The following RAB3GAP1 variants were observed in gnomAD, a reference collection of about 807,000 sequenced individuals.
The protein encoded by RAB3GAP1 is RAB3 GTPase activating protein catalytic subunit 1, also known as rab3 GTPase-activating protein catalytic subunit.
In RAB3GAP1, 86 loss-of-function variants were observed where a neutral mutation model predicts 130.7. That is an observed-to-expected ratio of 0.66 (90% CI 0.55 to 0.79). The LOEUF is 0.79. Ranked by LOEUF, RAB3GAP1 falls within the 30% of genes least tolerant of loss-of-function variation. The probability of loss-of-function intolerance (pLI) is 0.00; values close to 1 mark genes in which losing one functional copy is unlikely to be tolerated. For synonymous variants in RAB3GAP1, 367 were observed against 401.7 expected, an observed-to-expected ratio of 0.91 and a Z score of 1.03; for missense variants, 1,029 against 1,169.4, an observed-to-expected ratio of 0.88 and a Z score of 1.75.
At chr2:135,085,362 A>G (rs1233924678) in intron 3 of RAB3GAP1, among the ~76,000 whole-genome samples, 1 of 152,220 alleles carries the variant, frequency 6.6e-6, no homozygotes, top group African/African-American at 2.4e-5. Context: ...ACTGTTACAG[A>G]TTATGGAAAG....
Position 135,090,928 on chromosome 2 carries a change from C to T in RAB3GAP1, c.151-70C>T. ...AGGGCAGAAAAAGGGGAAAATATCC[C>T]TGTCGTTAGTAAATATAATGATAGC... On this transcript the variant is annotated intron_variant, in intron 3 of 23. Transcript: ENST00000264158. 2.1e-6 allele frequency: 3 copies of T among 1,417,480 alleles called. 1 individual carries two copies. Among genetic ancestry groups the T allele is most frequent in the East Asian group, 4.6e-5 (2 of 43,388 alleles). 87.8% of individuals were successfully genotyped at this position (1,417,480 alleles called of 1,614,324 possible).
rs764864449 is a variant in RAB3GAP1 at position 135,117,409 on chromosome 2, TTTCTTCTTC to T, written c.648+2066_648+2074del. On this transcript the variant is annotated intron_variant, in intron 7 of 23. Coordinates refer to ENST00000264158, the MANE Select transcript of RAB3GAP1 (RefSeq NM_012233.3). ...GTCACATGGAAATATCAATACTTTA[TTTCTTCTTC>T]TTCTTCTTCTTCTTCTTCTTCTTCT... is the stretch of plus-strand genomic sequence containing the variant. 2.1e-3 allele frequency among the ~76,000 whole-genome samples: 211 copies of T among 100,248 alleles called. 2 individuals are homozygous for T. Among genetic ancestry groups the T allele is most frequent in the South Asian group, 3.6e-3 (12 of 3,312 alleles). 65.8% of individuals were successfully genotyped at this position (100,248 alleles called of 152,430 possible). A position where few individuals can be genotyped will look rare whatever the true frequency, so the allele number is the denominator to read the frequency against.
intron 3 of RAB3GAP1, among the ~76,000 whole-genome samples, chr2:135,063,430 T>C (rs1333864307): frequency 6.6e-6 from 1 of 152,148 alleles, no homozygotes; most frequent in African/African-American, 2.4e-5. Flanking sequence ...ATCCAGAACT[T>C]TTTTCATCAG....
At chr2:135,143,815 C>T (rs1433558681) in intron 17 of RAB3GAP1, among the ~76,000 whole-genome samples, 3 of 152,202 alleles carry the variant, frequency 2.0e-5, no homozygotes, top group Non-Finnish European at 4.4e-5. Flanking sequence ...TCCCAAAGTG[C>T]TGGGATTACA....
chr2:135,146,452 TCTG>T (rs1320138477), intron 17 of RAB3GAP1, among the ~76,000 whole-genome samples: 2 of 152,124 alleles, frequency 1.3e-5, no homozygotes, highest in African/African-American at 4.8e-5. Context: ...CCTCAAGTGA[TCTG>T]CTCGCCTAGG....
intron 23 of RAB3GAP1, among the ~76,000 whole-genome samples, chr2:135,165,366 G>C (rs965687221): frequency 1.3e-5 from 2 of 152,176 alleles, no homozygotes; most frequent in African/African-American, 4.8e-5. Context: ...TAGGGATTCT[G>C]ATAAAGGCGT....
chr2:135,113,630 C>T (rs1332019009), intron 6 of RAB3GAP1, among the ~76,000 whole-genome samples: 1 of 152,192 alleles, frequency 6.6e-6, no homozygotes, highest in Non-Finnish European at 1.5e-5. Context: ...CTGTACCTTA[C>T]TTCCATTTTC....
intron 17 of RAB3GAP1, among the ~76,000 whole-genome samples, chr2:135,137,732 G>T (rs1487860376): frequency 6.6e-6 from 1 of 151,998 alleles, no homozygotes; most frequent in Admixed American, 6.6e-5. Context: ...TTCAAAAATA[G>T]TTTGAAGTCA....
At chr2:135,056,077 C>T (rs1689001599) in intron 2 of RAB3GAP1, among the ~76,000 whole-genome samples, 1 of 151,792 alleles carries the variant, frequency 6.6e-6, no homozygotes, top group South Asian at 2.1e-4. Flanking sequence ...ACCTCATGAT[C>T]CGCCCGCCTC....
chr2:135,091,844 A>G (rs1287809417), intron 4 of RAB3GAP1, among the ~76,000 whole-genome samples: 3 of 152,220 alleles, frequency 2.0e-5, no homozygotes, highest in Non-Finnish European at 4.4e-5. Context: ...AAACTAGTGC[A>G]TAACAGTGAG....
In RAB3GAP1 at chr2:135,093,702, A is replaced by T. The variant is rs777491232; in HGVS notation, c.362+9A>T. On this transcript the variant is annotated intron_variant, in intron 5 of 23. Transcript: ENST00000264158. ...CATTGCCTGGTAAGATGGTAGGTAT[A>T]TCTTTTACTCAGTATCTTTTAGTAT... 3 of 1,593,696 alleles carry T rather than the reference A, an allele frequency of 1.9e-6. No individual in the cohort carries two copies. The African/African-American group carries it at 4.0e-5, about 21-fold the overall frequency.
At chr2:135,053,358 T>G (rs1688931320) in intron 2 of RAB3GAP1, among the ~76,000 whole-genome samples, 1 of 152,260 alleles carries the variant, frequency 6.6e-6, no homozygotes, top group African/African-American at 2.4e-5. Context: ...TGCCCAGGCT[T>G]CCTGTGCCTG....
chr2:135,160,971 G>T (rs1227950583), intron 19 of RAB3GAP1, among the ~76,000 whole-genome samples: 1 of 152,080 alleles, frequency 6.6e-6, no homozygotes, highest in Non-Finnish European at 1.5e-5. Context: ...AACAGAGGAG[G>T]GAGACAGGTC....
intron 7 of RAB3GAP1, among the ~76,000 whole-genome samples, chr2:135,116,457 T>A (rs1690974353): frequency 6.6e-6 from 1 of 152,150 alleles, no homozygotes; most frequent in Admixed American, 6.5e-5. Flanking sequence ...AAATAAAGGC[T>A]GGAAGCAATT....
At position 135,073,881 on chromosome 2, in the gene RAB3GAP1, G is replaced by A. The variant is rs151077997; in HGVS notation, c.150+15795G>A. 3.0e-3 allele frequency among the ~76,000 whole-genome samples: 459 copies of A among 152,274 alleles called. 3 individuals are homozygous for A. Among genetic ancestry groups the A allele is most frequent in the African/African-American group, 0.01 (424 of 41,568 alleles). On this transcript the variant is annotated intron_variant, in intron 3 of 23. Transcript: ENST00000264158. ...AGGGGCTTCATCCCATGATGGGACC[G>A]TAAAAAACGTCTGTTGGGGACGCAA...
At chr2:135,144,726 C>T (rs1037030780) in intron 17 of RAB3GAP1, among the ~76,000 whole-genome samples, 1 of 152,218 alleles carries the variant, frequency 6.6e-6, no homozygotes, top group Non-Finnish European at 1.5e-5. Context: ...TTTGTTTATT[C>T]CATTTGCCAT....
chr2:135,129,348 A>G (rs1439630776), intron 11 of RAB3GAP1, among the ~76,000 whole-genome samples: 1 of 151,470 alleles, frequency 6.6e-6, no homozygotes, highest in East Asian at 1.9e-4. Flanking sequence ...GCTACTTGGG[A>G]GGCTGAGGCA....
downstream of RAB3GAP1, among the ~76,000 whole-genome samples, chr2:135,173,237 TTATAA>T (rs1692908552): frequency 1.3e-5 from 2 of 152,066 alleles, no homozygotes; most frequent in African/African-American, 4.8e-5. Context: ...GGGTTAGGGC[TTATAA>T]TATAATAAAT....
In RAB3GAP1 at chr2:135,096,799, C is replaced by T. The variant is rs77058177; in HGVS notation, c.362+3106C>T. Among the ~76,000 whole-genome samples, 1,518 of 152,168 alleles carry T rather than the reference C, an allele frequency of 1.0e-2. 22 individuals carry two copies. The highest frequency in any genetic ancestry group is 0.035 in the African/African-American group (1,445 of 41,508). ...AAGAATAATAAATAATATGCACTTC[C>T]AGAGTAGTTATGAGGATCAAATAAG... On this transcript the variant is annotated intron_variant, in intron 5 of 23. Transcript: ENST00000264158.
Sources: allele counts gnomAD v4.1 joint callset (sites outside exome capture counted in the v4.1 genomes callset), GRCh38; gene constraint gnomAD v4.1.1; transcripts MANE v1.5; gene names NCBI Gene and HGNC (gene_info 2026-07-23, HGNC 2026-07-21).